Variants in SHOC1 observed in about 807,000 individuals in gnomAD.
SHOC1 encodes shortage in chiasmata 1, also known as protein shortage in chiasmata 1 ortholog.
SHOC1 carries 136 observed loss-of-function variants against 179.2 expected under a neutral mutation model. The observed-to-expected ratio is 0.76, with a 90% confidence interval of 0.66 to 0.87. The LOEUF (loss-of-function observed/expected upper bound fraction) is 0.87, where lower values mean the gene tolerates loss of function less well. Ranked by LOEUF, SHOC1 falls within the 40% of genes least tolerant of loss-of-function variation. The pLI, the probability that SHOC1 is intolerant of heterozygous loss-of-function variation, is 0.00. For synonymous variants in SHOC1, 489 were observed against 586.6 expected (o/e 0.83, Z 2.41); for missense variants, 1,538 against 1,700.8 (o/e 0.90, Z 1.68).
chr9:111,771,401 T>C (rs1005137286), intron 5 of SHOC1, among the ~76,000 whole-genome samples: 12 of 152,174 alleles, frequency 7.9e-5, no homozygotes, highest in African/African-American at 2.9e-4. Flanking sequence ...GGCTTCATAC[T>C]AGAGTTATGA....
chr9:111,776,657 G>A (rs1835845482), intron 4 of SHOC1, among the ~76,000 whole-genome samples: 1 of 152,200 alleles, frequency 6.6e-6, no homozygotes, highest in Non-Finnish European at 1.5e-5. Context: ...GAGGGAGACA[G>A]GTTGGAATAT....
chr9:111,771,611 T>C (rs1835611997), intron 5 of SHOC1, among the ~76,000 whole-genome samples: 1 of 151,982 alleles, frequency 6.6e-6, no homozygotes, highest in African/African-American at 2.4e-5. Flanking sequence ...CTGATGGGGG[T>C]GGATTCTCTG....
At chr9:111,709,318 G>A (rs1439714246) in intron 18 of SHOC1, among the ~76,000 whole-genome samples, 2 of 152,124 alleles carry the variant, frequency 1.3e-5, no homozygotes, top group Admixed American at 1.3e-4. Flanking sequence ...CTCCAGCCTG[G>A]GCAACAAGAG....
At chr9:111,786,291 C>T (rs528349384) in intron 2 of SHOC1, among the ~76,000 whole-genome samples, 44 of 152,072 alleles carry the variant, frequency 2.9e-4, no homozygotes, top group East Asian at 7.7e-4. Context: ...AAAAATTATC[C>T]GGGCGTGGTT....
intron 5 of SHOC1, chr9:111,759,387 T>C: frequency 6.8e-7 from 1 of 1,465,292 alleles, no homozygotes; most frequent in Non-Finnish European, 9.0e-7. Context: ...ACAGTGAAAG[T>C]TTTAAGCAAA....
intron 26 of SHOC1, among the ~76,000 whole-genome samples, chr9:111,693,254 C>T (rs1831525254): frequency 6.7e-6 from 1 of 149,882 alleles, no homozygotes; most frequent in Non-Finnish European, 1.5e-5. Flanking sequence ...TGCAGTGAGC[C>T]GAGATCAAGC....
intron 24 of SHOC1, among the ~76,000 whole-genome samples, 185 bp from the exon 25 acceptor site, chr9:111,694,547 T>G (rs1394672735): frequency 1.3e-5 from 2 of 152,146 alleles, no homozygotes; most frequent in East Asian, 3.8e-4. Flanking sequence ...TTTTCATTCC[T>G]TATTTAAATG....
intron 15 of SHOC1, 95 bp from the exon 16 acceptor site, chr9:111,718,383 T>C: frequency 1.4e-6 from 1 of 705,294 alleles, no homozygotes; most frequent in Non-Finnish European, 2.2e-6. Context: ...CTAACATTTA[T>C]TATTGAGTGC....
chr9:111,749,823 C>A (rs531421122), intron 8 of SHOC1, among the ~76,000 whole-genome samples: 1 of 152,278 alleles, frequency 6.6e-6, no homozygotes, highest in African/African-American at 2.4e-5. Context: ...GGACTTCCAA[C>A]CCCATCCATG....
intron 12 of SHOC1, among the ~76,000 whole-genome samples, chr9:111,733,934 C>A (rs1833704542): frequency 6.6e-6 from 1 of 151,878 alleles, no homozygotes; most frequent in Non-Finnish European, 1.5e-5. Flanking sequence ...GATCCAAGTG[C>A]CACTTTTCAG....
At chr9:111,770,856 G>C (rs575605786) in intron 5 of SHOC1, among the ~76,000 whole-genome samples, 1 of 152,020 alleles carries the variant, frequency 6.6e-6, no homozygotes, top group Admixed American at 6.6e-5. Context: ...TTGGTTTCCA[G>C]TTGCATGGAA....
chr9:111,780,830 A>C (rs2131631950), intron 4 of SHOC1, 100 bp downstream of exon 4: 1 of 759,264 alleles, frequency 1.3e-6, no homozygotes, highest in Non-Finnish European at 2.1e-6. Context: ...AAATCCATGA[A>C]GAGATAAAGG....
chr9:111,755,893 C>T (rs1277793765), intron 8 of SHOC1, among the ~76,000 whole-genome samples: 3 of 151,968 alleles, frequency 2.0e-5, no homozygotes, highest in South Asian at 2.1e-4. Context: ...GAGGCCGAGG[C>T]GGGCAGATCA....
intron 10 of SHOC1, among the ~76,000 whole-genome samples, chr9:111,742,101 G>A (rs927631946): frequency 2.0e-5 from 3 of 152,046 alleles, no homozygotes; most frequent in African/African-American, 7.2e-5. Flanking sequence ...AAACTCAATT[G>A]TTCCTACTTG....
At chr9:111,768,350 G>A (rs1276835297) in intron 5 of SHOC1, among the ~76,000 whole-genome samples, 1 of 151,720 alleles carries the variant, frequency 6.6e-6, no homozygotes, top group Non-Finnish European at 1.5e-5. Context: ...AGCCTCCTGA[G>A]TAGCTGGGAT....
At chr9:111,786,509 T>TC (rs1836268092) in intron 2 of SHOC1, among the ~76,000 whole-genome samples, 1 of 149,692 alleles carries the variant, frequency 6.7e-6, no homozygotes, top group African/African-American at 2.5e-5. Flanking sequence ...GCAGATTTTT[T>TC]TTTTTTTTTT....
chr9:111,748,295 T>A lies in SHOC1; in HGVS notation c.863-96A>T, dbSNP rs186467853. ...CATTTTCCTTTTAAAGTATCTTTAT[T>A]GTTTTATTGCATGTCAATTTTTCCT... On this transcript the variant is annotated intron_variant, in intron 8 of 27. Transcript: ENST00000682961. The A allele has an allele frequency of 8.7e-6, 7 of 803,904 alleles. No homozygotes were observed. The East Asian group carries it at 1.6e-4, about 18-fold the overall frequency. 49.8% of individuals were successfully genotyped at this position (803,904 alleles called of 1,614,324 possible). A position where few individuals can be genotyped will look rare whatever the true frequency, so the allele number is the denominator to read the frequency against.
intron 11 of SHOC1, among the ~76,000 whole-genome samples, chr9:111,741,162 C>T (rs1331736316): frequency 6.6e-6 from 1 of 151,490 alleles, no homozygotes; most frequent in Non-Finnish European, 1.5e-5. Flanking sequence ...TTTTTTTTTA[C>T]AAACAACTCA....
intron 12 of SHOC1, among the ~76,000 whole-genome samples, chr9:111,736,743 C>T (rs916756040): frequency 6.6e-6 from 1 of 152,054 alleles, no homozygotes; most frequent in Non-Finnish European, 1.5e-5. Context: ...AGAGCTTCTG[C>T]ACAGCAAAAG....
Sources: gnomAD v4.1 joint callset for allele counts (sites outside exome capture counted in the v4.1 genomes callset) on GRCh38, gnomAD v4.1.1 for gene constraint, MANE v1.5 for transcripts, NCBI Gene and HGNC (gene_info 2026-07-23, HGNC 2026-07-21) for gene names.